Variants in RAB7A observed in about 807,000 individuals in gnomAD.
The protein encoded by RAB7A is ras-related protein Rab-7a.
Under a neutral mutation model 24.5 loss-of-function variants are expected in RAB7A, and 2 were observed. The observed-to-expected ratio is 0.08, with a 90% confidence interval of 0.03 to 0.26. RAB7A has a LOEUF of 0.26. Ranked by LOEUF, RAB7A falls within the 10% of genes least tolerant of loss-of-function variation. The pLI, the probability that RAB7A is intolerant of heterozygous loss-of-function variation, is 1.00. For missense variants in RAB7A, 118 were observed against 255.7 expected, an observed-to-expected ratio of 0.46 and a Z score of 3.67; for synonymous variants, 100 against 95.9, an observed-to-expected ratio of 1.04 and a Z score of -0.25.
intron 1 of RAB7A, among the ~76,000 whole-genome samples, chr3:128,780,597 C>T (rs2107604912): frequency 6.6e-6 from 1 of 152,320 alleles, no homozygotes; most frequent in Non-Finnish European, 1.5e-5. Flanking sequence ...TCATGGCACT[C>T]AGCAAGTGTT....
At chr3:128,776,434 C>T (rs931465049) in intron 1 of RAB7A, among the ~76,000 whole-genome samples, 1 of 152,072 alleles carries the variant, frequency 6.6e-6, no homozygotes, top group African/African-American at 2.4e-5. Flanking sequence ...CACAGGTGCA[C>T]AATACCACAC....
chr3:128,787,371 T>G (rs1338369910), intron 1 of RAB7A, among the ~76,000 whole-genome samples: 3 of 152,242 alleles, frequency 2.0e-5, no homozygotes, highest in Non-Finnish European at 4.4e-5. Context: ...TTGTAGACTC[T>G]TCACATCAGT....
chr3:128,732,125 C>T (rs377471047), intron 1 of RAB7A, among the ~76,000 whole-genome samples: 3 of 150,506 alleles, frequency 2.0e-5, no homozygotes, highest in East Asian at 2.0e-4. Context: ...CTGCAACCTC[C>T]GCCTCTCGGG....
chr3:128,796,603 C>T (rs1350516742), intron 2 of RAB7A, among the ~76,000 whole-genome samples: 3 of 152,190 alleles, frequency 2.0e-5, no homozygotes, highest in African/African-American at 7.2e-5. Flanking sequence ...CCCTGCCCTT[C>T]CTTTGAAAAG....
At position 128,743,771 on chromosome 3, in the gene RAB7A, G is replaced by T. The variant is rs76368703; in HGVS notation, c.-9+17412G>T. Among the ~76,000 whole-genome samples, 176 of 150,742 alleles carry T rather than the reference G, an allele frequency of 1.2e-3. No homozygotes were observed. In the East Asian group the frequency reaches 0.012, roughly 10 times the overall value. Reference sequence around the variant, plus strand: ...CGTTCAATATCAGCCTATTCAACATGACAAAATAATTTCTCTCTCTCTTTT... The same window carrying T: ...CGTTCAATATCAGCCTATTCAACATTACAAAATAATTTCTCTCTCTCTTTT... On this transcript the variant is annotated intron_variant, in intron 1 of 5. Coordinates refer to ENST00000265062, the MANE Select transcript of RAB7A (RefSeq NM_004637.6).
At chr3:128,731,636 T>A (rs1207201290) in intron 1 of RAB7A, among the ~76,000 whole-genome samples, 3 of 152,172 alleles carry the variant, frequency 2.0e-5, no homozygotes. Flanking sequence ...CTCAGTTCAG[T>A]GCTCTTTCTG....
intron 1 of RAB7A, among the ~76,000 whole-genome samples, chr3:128,775,507 G>A (rs1254273981): frequency 6.6e-6 from 1 of 152,164 alleles, no homozygotes; most frequent in Admixed American, 6.5e-5. Flanking sequence ...TGTATCCCAT[G>A]GATGGTGGTA....
At chr3:128,786,802 G>T (rs1012124822) in intron 1 of RAB7A, among the ~76,000 whole-genome samples, 4 of 152,192 alleles carry the variant, frequency 2.6e-5, no homozygotes, top group Non-Finnish European at 4.4e-5. Flanking sequence ...TAAAACATTT[G>T]TGAGTCTGAT....
At chr3:128,794,748 G>A (rs1933531324) in intron 1 of RAB7A, among the ~76,000 whole-genome samples, 2 of 152,076 alleles carry the variant, frequency 1.3e-5, no homozygotes, top group African/African-American at 4.8e-5. Flanking sequence ...CTGGAAAAGA[G>A]TAGTCACTAG....
intron 5 of RAB7A, among the ~76,000 whole-genome samples, chr3:128,810,587 CAGAG>C (rs1933902365): frequency 6.6e-6 from 1 of 152,162 alleles, no homozygotes; most frequent in Non-Finnish European, 1.5e-5. Flanking sequence ...GCTGTGTGCA[CAGAG>C]AGAGGACACA....
At chr3:128,757,456 CAGAGGCACA>C (rs1384675123) in intron 1 of RAB7A, among the ~76,000 whole-genome samples, 7 of 151,888 alleles carry the variant, frequency 4.6e-5, no homozygotes, top group Admixed American at 6.6e-5. Context: ...ACAGGCGAGG[CAGAGGCACA>C]AGATGAATGT....
chr3:128,766,557 A>G (rs1218454326), intron 1 of RAB7A, among the ~76,000 whole-genome samples: 1 of 152,230 alleles, frequency 6.6e-6, no homozygotes, highest in Non-Finnish European at 1.5e-5. Context: ...AAGAGAAAAC[A>G]GCTCCTGAAC....
intron 1 of RAB7A, among the ~76,000 whole-genome samples, chr3:128,746,416 G>A (rs903185063): frequency 1.3e-5 from 2 of 152,114 alleles, no homozygotes; most frequent in Admixed American, 6.6e-5. Context: ...GGGACAATAG[G>A]CCTACACTGT....
intron 1 of RAB7A, among the ~76,000 whole-genome samples, chr3:128,795,091 T>A (rs1013503170): frequency 2.0e-5 from 3 of 152,168 alleles, no homozygotes; most frequent in African/African-American, 7.2e-5. Flanking sequence ...ATCCATTCAA[T>A]TGATCCACCA....
At chr3:128,796,060 G>A (rs986953896) in intron 2 of RAB7A, among the ~76,000 whole-genome samples, 5 of 151,996 alleles carry the variant, frequency 3.3e-5, no homozygotes, top group South Asian at 4.2e-4. Context: ...CCAGATGTGC[G>A]TTCTTAGTGC....
chr3:128,739,516 A>C (rs2070528639), intron 1 of RAB7A, among the ~76,000 whole-genome samples: 1 of 152,014 alleles, frequency 6.6e-6, no homozygotes, highest in Non-Finnish European at 1.5e-5. Context: ...TCATCTCAAA[A>C]AAAAAAAAAA....
At chr3:128,757,973 T>C (rs1002181660) in intron 1 of RAB7A, among the ~76,000 whole-genome samples, 6 of 152,052 alleles carry the variant, frequency 3.9e-5, no homozygotes, top group Non-Finnish European at 8.8e-5. Flanking sequence ...TTATTTTTTT[T>C]ATTTTTAGAG....
At chr3:128,788,579 A>G (rs1314471480) in intron 1 of RAB7A, among the ~76,000 whole-genome samples, 1 of 152,212 alleles carries the variant, frequency 6.6e-6, no homozygotes, top group Non-Finnish European at 1.5e-5. Context: ...CCTACCCCCC[A>G]TGGATAAGTG....
Position 128,777,374 on chromosome 3 carries a change from T to C in RAB7A, c.-8-17986T>C, listed in dbSNP as rs528049585. Among the ~76,000 whole-genome samples the C allele has an allele frequency of 2.6e-5, 4 of 152,172 alleles. No individual in the cohort carries two copies. In the South Asian group the frequency reaches 6.2e-4, roughly 24 times the overall value. ...ACACTTGGCTAAGGTTTTCTTTCTT[T>C]TGTTTTCTGTAGAGATGGGGTCTCC... On this transcript the variant is annotated intron_variant, in intron 1 of 5. Transcript: ENST00000265062.
Sources: gnomAD v4.1 joint callset for allele counts (sites outside exome capture counted in the v4.1 genomes callset) on GRCh38, gnomAD v4.1.1 for gene constraint, MANE v1.5 for transcripts, NCBI Gene and HGNC (gene_info 2026-07-23, HGNC 2026-07-21) for gene names.